MAD1L1: variants seen among roughly 807,000 people sequenced by gnomAD.
MAD1L1 encodes the protein mitotic spindle assembly checkpoint protein MAD1.
In MAD1L1, 95 loss-of-function variants were observed where a neutral mutation model predicts 96.9. That is an observed-to-expected ratio of 0.98 (90% CI 0.83 to 1.16). The LOEUF (loss-of-function observed/expected upper bound fraction) is 1.16. Ranked by LOEUF, MAD1L1 falls within the 50% of genes most tolerant of loss-of-function variation. The probability of loss-of-function intolerance (pLI) is 0.00; values close to 1 mark genes in which losing one functional copy is unlikely to be tolerated. For synonymous variants in MAD1L1, 473 were observed against 396.6 expected (o/e 1.19, Z -2.29); for missense variants, 1,007 against 954.4 (o/e 1.06, Z -0.73).
intron 15 of MAD1L1, among the ~76,000 whole-genome samples, chr7:1,973,641 C>T (rs1208144623): frequency 2.6e-5 from 4 of 152,170 alleles, no homozygotes; most frequent in Non-Finnish European, 5.9e-5. Flanking sequence ...CCTGTCTCGC[C>T]ACCACCACGG....
At chr7:1,919,753 G>A (rs1788658498) in intron 17 of MAD1L1, among the ~76,000 whole-genome samples, 1 of 152,264 alleles carries the variant, frequency 6.6e-6, no homozygotes, top group African/African-American at 2.4e-5. Flanking sequence ...GGCTGCTGGT[G>A]CAGAGCTGGG....
chr7:1,890,770 G>A (rs1193412940), intron 18 of MAD1L1, among the ~76,000 whole-genome samples: 2 of 152,290 alleles, frequency 1.3e-5, no homozygotes, highest in Non-Finnish European at 2.9e-5. Flanking sequence ...GGTGCTCACG[G>A]GCCCCACTTT....
intron 12 of MAD1L1, among the ~76,000 whole-genome samples, chr7:2,014,890 C>A (rs1782467042): frequency 6.6e-6 from 1 of 152,252 alleles, no homozygotes. Flanking sequence ...CCACGTCAGG[C>A]CTTCACTACA....
rs781495981 is a variant in MAD1L1 at position 2,150,897 on chromosome 7, G to C, written c.987-1659C>G. Reference sequence around the variant, plus strand: ...TCTAGTGGGGACAGCGATGGGTGCAGAAGGAGTAGCTGGCACCGGGGAGAC... The same window carrying C: ...TCTAGTGGGGACAGCGATGGGTGCACAAGGAGTAGCTGGCACCGGGGAGAC... On this transcript the variant is annotated intron_variant, in intron 10 of 18. Transcript: ENST00000265854. 1.3e-5 allele frequency among the ~76,000 whole-genome samples: 2 copies of C among 152,362 alleles called. 1 individual carries two copies. The highest frequency in any genetic ancestry group is 4.1e-4 in the South Asian group (2 of 4,828).
At chr7:1,901,082 G>A (rs530187443) in intron 17 of MAD1L1, among the ~76,000 whole-genome samples, 1 of 152,226 alleles carries the variant, frequency 6.6e-6, no homozygotes, top group East Asian at 1.9e-4. Context: ...CCTCGGAGGT[G>A]AGGGGGCCCT....
chr7:1,851,551 C>T (rs1282076610), intron 18 of MAD1L1, among the ~76,000 whole-genome samples: 1 of 152,152 alleles, frequency 6.6e-6, no homozygotes, highest in East Asian at 1.9e-4. Context: ...CACGGCTAGT[C>T]TGAAAACTCG....
intron 10 of MAD1L1, among the ~76,000 whole-genome samples, chr7:2,204,631 C>T (rs1262093956): frequency 3.9e-5 from 6 of 152,244 alleles, no homozygotes; most frequent in South Asian, 2.1e-4. Context: ...TTCCAAGCAC[C>T]GCCGCTGCCG....
At chr7:2,220,502 CG>C (rs895918468) in intron 5 of MAD1L1, among the ~76,000 whole-genome samples, 5 of 152,234 alleles carry the variant, frequency 3.3e-5, no homozygotes, top group South Asian at 2.1e-4. Context: ...AGTTAACACA[CG>C]GAAACACACG....
chr7:1,843,103 C>CAG (rs892972756), intron 18 of MAD1L1, among the ~76,000 whole-genome samples: 2 of 152,166 alleles, frequency 1.3e-5, no homozygotes, highest in African/African-American at 4.8e-5. Context: ...GGTCATTCTC[C>CAG]ACCAAGACCA....
chr7:2,134,483 T>C (rs1451803087), intron 11 of MAD1L1, among the ~76,000 whole-genome samples: 4 of 152,238 alleles, frequency 2.6e-5, no homozygotes, highest in Non-Finnish European at 4.4e-5. Context: ...CTTACTGCAC[T>C]ATAGCTAGTA....
chr7:2,041,121 G>C (rs936805201), intron 12 of MAD1L1, among the ~76,000 whole-genome samples: 2 of 152,128 alleles, frequency 1.3e-5, no homozygotes, highest in Admixed American at 6.5e-5. Context: ...GTTCCTGTCG[G>C]AAAAAGCTCA....
chr7:1,918,779 C>A (rs916487968), intron 17 of MAD1L1, among the ~76,000 whole-genome samples: 1 of 152,228 alleles, frequency 6.6e-6, no homozygotes, highest in Non-Finnish European at 1.5e-5. Context: ...GAGGCCACTG[C>A]CCCACCTGGA....
At chr7:2,071,490 C>G (rs1785124725) in intron 11 of MAD1L1, among the ~76,000 whole-genome samples, 1 of 152,238 alleles carries the variant, frequency 6.6e-6, no homozygotes. Context: ...TCCTAAAACC[C>G]TCGGGCTTTC....
intron 11 of MAD1L1, among the ~76,000 whole-genome samples, chr7:2,134,028 C>G (rs954209460): frequency 9.2e-5 from 14 of 152,338 alleles, no homozygotes; most frequent in African/African-American, 3.4e-4. Context: ...TTTGCCTTCC[C>G]ATATAAACTT....
intron 10 of MAD1L1, among the ~76,000 whole-genome samples, chr7:2,209,433 GC>G (rs35185446): frequency 6.6e-6 from 1 of 152,142 alleles, no homozygotes; most frequent in East Asian, 1.9e-4. Context: ...GAGCCCACAG[GC>G]CTGAGGGCCC....
intron 16 of MAD1L1, chr7:1,940,161 G>A (rs1288547113): frequency 5.3e-5 from 8 of 152,220 alleles, no homozygotes; most frequent in South Asian, 2.1e-4. Context: ...TTGCAGACAC[G>A]GCTCGCTTGG....
chr7:2,065,730 C>T (rs903897124), intron 12 of MAD1L1, among the ~76,000 whole-genome samples: 8 of 152,196 alleles, frequency 5.3e-5, no homozygotes, highest in Non-Finnish European at 8.8e-5. Flanking sequence ...GACGTGAGTC[C>T]GACGCCGCTG....
At chr7:2,225,572 A>G (rs768155694) in intron 3 of MAD1L1, 22 bp from the exon 4 acceptor site, 2 of 1,610,896 alleles carry the variant, frequency 1.2e-6, no homozygotes, top group East Asian at 4.5e-5. Flanking sequence ...GCACCCAAAG[A>G]AAAACAGAAT....
At chr7:1,875,141 TGGCTGCCCCAGAGCCCCCCACA>T (rs1295608311) in intron 18 of MAD1L1, among the ~76,000 whole-genome samples, 1 of 152,138 alleles carries the variant, frequency 6.6e-6, no homozygotes, top group Non-Finnish European at 1.5e-5. Flanking sequence ...GCAGCTCCCC[TGGCTGCCCCAGAGCCCCCCACA>T]GGGGCCATGG....
Sources: allele counts gnomAD v4.1 joint callset (sites outside exome capture counted in the v4.1 genomes callset), GRCh38; gene constraint gnomAD v4.1.1; transcripts MANE v1.5; gene names NCBI Gene and HGNC (gene_info 2026-07-23, HGNC 2026-07-21).